Variants in RSU1 observed in about 807,000 individuals in gnomAD.
RSU1 encodes the protein Ras suppressor protein 1.
RSU1 carries 26 observed loss-of-function variants against 31.1 expected under a neutral mutation model. The observed-to-expected ratio is 0.84, with a 90% CI of 0.61 to 1.16. The LOEUF is 1.16. Ranked by LOEUF, RSU1 falls within the 50% of genes most tolerant of loss-of-function variation. RSU1 has a pLI of 0.00. For missense variants in RSU1, 320 were observed against 339.1 expected (o/e 0.94, Z 0.44); for synonymous variants, 164 against 136.3 (o/e 1.20, Z -1.41).
intron 8 of RSU1, among the ~76,000 whole-genome samples, chr10:16,653,956 C>G (rs989151053): frequency 1.3e-5 from 2 of 152,012 alleles, no homozygotes; most frequent in Admixed American, 1.3e-4. Flanking sequence ...TCTCCATACA[C>G]CCCCAAGTAA....
chr10:16,719,750 A>G (rs1415922995), intron 7 of RSU1, among the ~76,000 whole-genome samples: 1 of 152,190 alleles, frequency 6.6e-6, no homozygotes, highest in East Asian at 1.9e-4. Context: ...GTCTGCATCA[A>G]TGGCTGCTAT....
chr10:16,656,023 A>G, intron 8 of RSU1, among the ~76,000 whole-genome samples: 1 of 152,300 alleles, frequency 6.6e-6, no homozygotes, highest in African/African-American at 2.4e-5. Flanking sequence ...TCTCATTATG[A>G]AAGTTTATTA....
rs534881209 is a variant in RSU1, at chr10:16,686,881, T to C, written c.731+8142A>G. Reference sequence around the variant, plus strand: ...GTTTTTTTCCCCTATGCCCCTCTAATAGTTATCCACAACTCTTCAAAGATA... The same window carrying C: ...GTTTTTTTCCCCTATGCCCCTCTAACAGTTATCCACAACTCTTCAAAGATA... On this transcript the variant is annotated intron_variant, in intron 8 of 8. Coordinates refer to ENST00000345264, the MANE Select transcript of RSU1 (RefSeq NM_012425.4). 3.9e-5 allele frequency among the ~76,000 whole-genome samples: 6 copies of C among 152,336 alleles called. No individual in the cohort carries two copies. In the East Asian group the frequency reaches 9.6e-4, roughly 24 times the overall value.
chr10:16,684,358 C>T (rs1006949622), intron 8 of RSU1, among the ~76,000 whole-genome samples: 6 of 152,206 alleles, frequency 3.9e-5, no homozygotes, highest in African/African-American at 1.4e-4. Context: ...TAGGGCATGA[C>T]TCCCCAACTC....
chr10:16,794,982 A>G (rs1837997302), intron 2 of RSU1, among the ~76,000 whole-genome samples: 1 of 152,232 alleles, frequency 6.6e-6, no homozygotes, highest in Non-Finnish European at 1.5e-5. Context: ...AAAAGAGAGA[A>G]AAAAGATTAT....
chr10:16,706,490 C>G (rs1048368494), intron 7 of RSU1, among the ~76,000 whole-genome samples: 1 of 152,174 alleles, frequency 6.6e-6, no homozygotes, highest in African/African-American at 2.4e-5. Flanking sequence ...TCTCTATATA[C>G]TCTAAATTTT....
intron 8 of RSU1, among the ~76,000 whole-genome samples, chr10:16,637,584 G>A (rs2131497710): frequency 6.6e-6 from 1 of 152,076 alleles, no homozygotes; most frequent in African/African-American, 2.4e-5. Context: ...AAGACTCCCT[G>A]TTTTTTAGTT....
chr10:16,737,305 T>G (rs1277222072), intron 7 of RSU1, among the ~76,000 whole-genome samples: 1 of 148,952 alleles, frequency 6.7e-6, no homozygotes, highest in Non-Finnish European at 1.5e-5. Flanking sequence ...CAAAAAGAAA[T>G]AAAGAACATG....
At chr10:16,712,497 ATTTC>A (rs1186957259) in intron 7 of RSU1, among the ~76,000 whole-genome samples, 2 of 151,828 alleles carry the variant, frequency 1.3e-5, no homozygotes, top group East Asian at 3.9e-4. Flanking sequence ...TTCTGTCGTA[ATTTC>A]TTTCTTTGTG....
At chr10:16,780,525 C>T (rs369271863) in intron 3 of RSU1, among the ~76,000 whole-genome samples, 3 of 152,176 alleles carry the variant, frequency 2.0e-5, no homozygotes, top group African/African-American at 7.2e-5. Context: ...TTACAGGCAT[C>T]GGTCACTGAT....
intron 8 of RSU1, among the ~76,000 whole-genome samples, chr10:16,657,716 G>A (rs1025821109): frequency 1.3e-5 from 2 of 152,196 alleles, no homozygotes; most frequent in Non-Finnish European, 2.9e-5. Flanking sequence ...CAAAGGGCCA[G>A]GCACGGTGGC....
At chr10:16,624,535 G>A (rs1025687392) in intron 8 of RSU1, among the ~76,000 whole-genome samples, 8 of 152,146 alleles carry the variant, frequency 5.3e-5, no homozygotes, top group African/African-American at 1.7e-4. Context: ...ACTCCCAGGG[G>A]TATGATACCC....
intron 8 of RSU1, among the ~76,000 whole-genome samples, chr10:16,676,550 C>T (rs536438223): frequency 6.6e-6 from 1 of 152,308 alleles, no homozygotes; most frequent in Non-Finnish European, 1.5e-5. Flanking sequence ...CAAACCATAT[C>T]AATCCTTTAT....
intron 2 of RSU1, among the ~76,000 whole-genome samples, chr10:16,812,149 A>C (rs1838422148): frequency 6.6e-6 from 1 of 152,248 alleles, no homozygotes; most frequent in Non-Finnish European, 1.5e-5. Context: ...TGAAAACATA[A>C]ATAATTTTAA....
chr10:16,646,204 C>G (rs1008923958), intron 8 of RSU1, among the ~76,000 whole-genome samples: 1 of 151,598 alleles, frequency 6.6e-6, no homozygotes, highest in Non-Finnish European at 1.5e-5. Flanking sequence ...TTTGTGATAT[C>G]CCACCCCTTC....
At chr10:16,649,774 T>C (rs1249191548) in intron 8 of RSU1, among the ~76,000 whole-genome samples, 1 of 152,198 alleles carries the variant, frequency 6.6e-6, no homozygotes, top group Non-Finnish European at 1.5e-5. Context: ...CAGAAATGAC[T>C]CCTGTAATCT....
In RSU1 at chr10:16,606,853, C is replaced by T. The variant is rs115227257; in HGVS notation, c.732-13357G>A. ...ACCATACATAGTGGTATTAGTATCA[C>T]CACTGATATTCCTCCTCCTCTCCCT... On this transcript the variant is annotated intron_variant, in intron 8 of 8. Transcript: ENST00000345264. 3.6e-3 allele frequency among the ~76,000 whole-genome samples: 542 copies of T among 152,302 alleles called. 4 individuals carry two copies. Among genetic ancestry groups the T allele is most frequent in the African/African-American group, 0.012 (516 of 41,566 alleles).
intron 8 of RSU1, among the ~76,000 whole-genome samples, chr10:16,601,329 C>T (rs1833711378): frequency 6.6e-6 from 1 of 152,180 alleles, no homozygotes; most frequent in Admixed American, 6.5e-5. Context: ...TTAGTTTCCT[C>T]TACAGTAGAA....
chr10:16,697,987 C>CTTTTTTTTTTTTTTTTTTT (rs67816326), intron 7 of RSU1, among the ~76,000 whole-genome samples: 1 of 99,562 alleles, frequency 1.0e-5, no homozygotes, highest in African/African-American at 4.9e-5. Flanking sequence ...AGGAACACAC[C>CTTTTTTTTTTTTTTTTTTT]TTTTTTTTTT....
Sources: gnomAD v4.1 joint callset for allele counts (sites outside exome capture counted in the v4.1 genomes callset) on GRCh38, gnomAD v4.1.1 for gene constraint, MANE v1.5 for transcripts, NCBI Gene and HGNC (gene_info 2026-07-23, HGNC 2026-07-21) for gene names.